The following ACOX1 variants were observed in gnomAD, a reference collection of about 807,000 sequenced individuals.
ACOX1 encodes the protein acyl-CoA oxidase 1.
ACOX1 carries 41 observed loss-of-function variants against 75.5 expected under a neutral mutation model. The observed-to-expected ratio is 0.54, with a 90% CI of 0.42 to 0.70. ACOX1 has a LOEUF of 0.70. Ranked by LOEUF, ACOX1 falls within the 30% of genes least tolerant of loss-of-function variation. The pLI, the probability that ACOX1 is intolerant of heterozygous loss-of-function variation, is 0.00. For synonymous variants in ACOX1, 303 were observed against 298.8 expected (o/e 1.01, Z -0.15); for missense variants, 630 against 837.5 (o/e 0.75, Z 3.06).
rs35173085 is a variant in ACOX1 at position 75,942,429 on chromosome 17, C to CAAAAAAAAAAAAAA, written c.*4305_*4318dup. The CAAAAAAAAAAAAAA allele has an allele frequency of 6.0e-5, 4 of 66,634 alleles. No individual in the cohort carries two copies. Among genetic ancestry groups the CAAAAAAAAAAAAAA allele is most frequent in the African/African-American group, 1.1e-4 (2 of 18,044 alleles). The allele number at this position is 66,634 out of a possible 1,614,324, so 4.1% of individuals were successfully genotyped here. On this transcript the variant is annotated 3_prime_UTR_variant, in exon 14 of 14. Coordinates refer to ENST00000293217, the MANE Select transcript of ACOX1 (RefSeq NM_004035.7). ...TGGGTGAAAGAGCAAGACAACGTCT[C>CAAAAAAAAAAAAAA]AAAAAAAAAAAAAAAAAAAAAAGCA...
intron 3 of ACOX1, among the ~76,000 whole-genome samples, chr17:75,959,231 T>C (rs1025590398): frequency 6.6e-6 from 1 of 152,188 alleles, no homozygotes; most frequent in Non-Finnish European, 1.5e-5. Flanking sequence ...AATCCACAAC[T>C]TTCCCGAGTG....
intron 2 of ACOX1, among the ~76,000 whole-genome samples, chr17:75,965,398 T>G (rs2065922874): frequency 6.8e-6 from 1 of 147,550 alleles, no homozygotes. Context: ...GAAAAAAAGA[T>G]AAAAATAACA....
At chr17:75,954,152 G>A (rs1330285355) in intron 6 of ACOX1, among the ~76,000 whole-genome samples, 1 of 150,572 alleles carries the variant, frequency 6.6e-6, no homozygotes, top group Non-Finnish European at 1.5e-5. Context: ...GGAGGCGGAG[G>A]TTTCAGTGAG....
Position 75,958,536 on chromosome 17 carries a change from C to T in ACOX1, c.431-970G>A, listed in dbSNP as rs545235287. 2.3e-3 allele frequency among the ~76,000 whole-genome samples: 327 copies of T among 145,078 alleles called. 3 individuals carry two copies. The highest frequency in any genetic ancestry group is 0.018 in the East Asian group (88 of 4,960). Reference sequence around the variant, plus strand: ...ACAACAAAAAAATTAAAGCTGGGCACGGTGGCTCACGCCTGTAATCCCAGC... The same window carrying T: ...ACAACAAAAAAATTAAAGCTGGGCATGGTGGCTCACGCCTGTAATCCCAGC... On this transcript the variant is annotated intron_variant, in intron 3 of 13. Coordinates refer to ENST00000293217, the MANE Select transcript of ACOX1 (RefSeq NM_004035.7).
At chr17:75,977,707 A>T (rs149980678) in intron 2 of ACOX1, among the ~76,000 whole-genome samples, 2 of 152,358 alleles carry the variant, frequency 1.3e-5, no homozygotes, top group African/African-American at 4.8e-5. Context: ...ACTGTCATGG[A>T]TTCAGAACTA....
intron 11 of ACOX1, 67 bp from the exon 12 acceptor site, chr17:75,949,427 G>C: frequency 6.2e-7 from 1 of 1,607,340 alleles, no homozygotes; most frequent in Non-Finnish European, 8.5e-7. Context: ...CAGTGACTAG[G>C]GTTTCTGTAC....
rs576332374 is a variant in ACOX1, at chr17:75,958,222, A to G, written c.431-656T>C. On this transcript the variant is annotated intron_variant, in intron 3 of 13. Transcript: ENST00000293217. ...CAAAAAATTAGCCAGGCATTGTGGC[A>G]TGCGCCTGTAGTCCCAGCTACTAAG... is the stretch of plus-strand genomic sequence containing the variant. Among the ~76,000 whole-genome samples, 239 of 148,940 alleles carry G rather than the reference A, an allele frequency of 1.6e-3. 3 individuals carry two copies. Among genetic ancestry groups the G allele is most frequent in the South Asian group, 4.0e-3 (19 of 4,746 alleles).
chr17:75,979,087 T>G lies in ACOX1; in HGVS notation c.-14A>C. On this transcript the variant is annotated 5_prime_UTR_variant, in exon 1 of 14. Transcript: ENST00000293217. Reference sequence around the variant, plus strand: ...GTCCGGGTTCATGGCGACGACCAGCTGGCAGCGAAGTAAGCACCGACCGAG... The same window carrying G: ...GTCCGGGTTCATGGCGACGACCAGCGGGCAGCGAAGTAAGCACCGACCGAG... 6.2e-7 allele frequency: 1 copy of G among 1,610,294 alleles called. No homozygotes were observed. The highest frequency in any genetic ancestry group is 1.1e-5 in the South Asian group (1 of 91,088).
chr17:75,956,537 A>T lies in ACOX1; in HGVS notation c.539-590T>A, dbSNP rs937933295. On this transcript the variant is annotated intron_variant, in intron 4 of 13. Transcript: ENST00000293217. ...ATCCCATCTCTACTAAAAATACAAA[A>T]ATTAGTTGGGTGTGGTGGCACGCTC... Among the ~76,000 whole-genome samples the T allele has an allele frequency of 1.6e-4, 25 of 151,882 alleles. No individual in the cohort carries two copies. In the East Asian group the frequency reaches 4.5e-3, roughly 27 times the overall value.
chr17:75,971,415 G>T (rs1277405134), intron 2 of ACOX1, among the ~76,000 whole-genome samples: 1 of 151,924 alleles, frequency 6.6e-6, no homozygotes, highest in Non-Finnish European at 1.5e-5. Context: ...AACCAGTATA[G>T]TTCAAGTCTT....
intron 4 of ACOX1, among the ~76,000 whole-genome samples, chr17:75,956,922 T>C (rs1392706798): frequency 0.014 from 512 of 36,804 alleles, 11 homozygotes; most frequent in Middle Eastern, 0.042. Flanking sequence ...TCTCTCTCTC[T>C]CTCTCTCTCT....
rs748199509 is a variant in ACOX1, at chr17:75,978,400, T to C, written c.269+134A>G. The C allele has an allele frequency of 1.6e-6, 2 of 1,287,586 alleles. No individual in the cohort carries two copies. The highest frequency in any genetic ancestry group is 1.1e-6 in the Non-Finnish European group (1 of 901,102). The allele number at this position is 1,287,586 out of a possible 1,614,324, so 79.8% of individuals were successfully genotyped here. On this transcript the variant is annotated intron_variant, in intron 2 of 13. Transcript: ENST00000293217. The surrounding 1 kb of genome is among the most constrained non-coding windows in gnomAD (Gnocchi z 4.2). ...GAGCCACCGCGCCCGGCCACACATA[T>C]AACTTTATAAAGTTGCATGAAAATA...
At chr17:75,966,468 A>C (rs1307752508) in intron 2 of ACOX1, among the ~76,000 whole-genome samples, 2 of 151,268 alleles carry the variant, frequency 1.3e-5, no homozygotes, top group South Asian at 2.1e-4. Flanking sequence ...AAAATAAATA[A>C]AAAATTAAAA....
rs765178977 is a variant in ACOX1 at position 75,949,818 on chromosome 17, T to G, written c.1378A>C (p.Ser460Arg). ...GMVSYLNDLPSQRIQPQQVAV... is the reference protein window; with the variant it reads ...GMVSYLNDLPRQRIQPQQVAV... ...ACCTGCTGTGGCTGGATGCGCTGAC[T>G]GGGCAGGTCGTTCAAATAGGACACC... Residue 460 changes from serine (S) to arginine (R), a missense_variant, in exon 10 of 14, where the codon AGT (serine) becomes CGT (arginine). By Grantham distance (110) the Ser-to-Arg change is moderately radical (BLOSUM62 -1). Coordinates refer to ENST00000293217, the MANE Select transcript of ACOX1 (RefSeq NM_004035.7). 1 of 1,614,210 alleles carries G rather than the reference T, an allele frequency of 6.2e-7. No homozygotes were observed. Among genetic ancestry groups the G allele is most frequent in the South Asian group, 1.1e-5 (1 of 91,086 alleles).
intron 3 of ACOX1, among the ~76,000 whole-genome samples, chr17:75,959,776 C>T (rs2065871511): frequency 6.6e-6 from 1 of 152,178 alleles, no homozygotes. Context: ...ATAAGCTACT[C>T]ATTTCCCTCA....
In ACOX1 at chr17:75,978,792, T is replaced by TG; in HGVS notation, c.110-100dup. The TG allele has an allele frequency of 1.2e-6, 2 of 1,607,230 alleles. No homozygotes were observed. The highest frequency in any genetic ancestry group is 1.7e-6 in the Non-Finnish European group (2 of 1,179,374). ...TAGGCTTCAGAGTCGCGGACACACC[T>TG]GGGGAATGGCGATATCCCCCCACCA... On this transcript the variant is annotated intron_variant, in intron 1 of 13. Coordinates refer to ENST00000293217, the MANE Select transcript of ACOX1 (RefSeq NM_004035.7). This position sits in a 1 kb window ranked among gnomAD's most constrained non-coding sequence, Gnocchi z 4.2.
In ACOX1 at chr17:75,960,709, G is replaced by A. The variant is rs7218656; in HGVS notation, c.270-334C>T. ...AGAAAATTTGAGAGGCCAGTGCAGT[G>A]GATCATGCCTACAATCTCAGCACTT... On this transcript the variant is annotated intron_variant, in intron 2 of 13. Transcript: ENST00000293217. The surrounding 1 kb of genome is among the most constrained non-coding windows in gnomAD (Gnocchi z 4.4). 0.13 allele frequency among the ~76,000 whole-genome samples: 19,059 copies of A among 152,258 alleles called. 1,637 individuals carry two copies. Among genetic ancestry groups the A allele is most frequent in the African/African-American group, 0.25 (10,485 of 41,530 alleles).
At chr17:75,967,744 A>C (rs2065952164) in intron 2 of ACOX1, among the ~76,000 whole-genome samples, 1 of 146,044 alleles carries the variant, frequency 6.8e-6, no homozygotes, top group East Asian at 2.0e-4. Context: ...ACACGTATAT[A>C]TATATATATT....
At position 75,950,994 on chromosome 17, in the gene ACOX1, C is replaced by A. The variant is rs1373759392; in HGVS notation, c.1108-30G>T. 6.2e-7 allele frequency: 1 copy of A among 1,608,026 alleles called. No homozygotes were observed. Among genetic ancestry groups the A allele is most frequent in the Non-Finnish European group, 8.5e-7 (1 of 1,175,976 alleles). On this transcript the variant is annotated intron_variant, in intron 8 of 13. Transcript: ENST00000293217. The surrounding 1 kb of genome is among the most constrained non-coding windows in gnomAD (Gnocchi z 4.3). ...GAGGACAAGCACAGATCTGTCAGGACATCTGTGGTGCTGAGAGCCCGAGAA... is the reference window on the plus strand; with the variant it reads ...GAGGACAAGCACAGATCTGTCAGGAAATCTGTGGTGCTGAGAGCCCGAGAA...
Sources: gnomAD v4.1 joint callset for allele counts (sites outside exome capture counted in the v4.1 genomes callset) on GRCh38, gnomAD v4.1.1 for gene constraint, Gnocchi (gnomAD v3.1) non-coding constraint, MANE v1.5 for transcripts, NCBI Gene and HGNC (gene_info 2026-07-23, HGNC 2026-07-21) for gene names.